Variants in ADGRB3 observed in about 807,000 individuals in gnomAD.
ADGRB3 encodes brain-specific angiogenesis inhibitor 3.
In ADGRB3, 37 loss-of-function variants were observed where a neutral mutation model predicts 193.4. That is an observed-to-expected ratio of 0.19 (90% CI 0.15 to 0.25). The LOEUF is 0.25. Ranked by LOEUF, ADGRB3 falls within the 10% of genes least tolerant of loss-of-function variation. The probability of loss-of-function intolerance (pLI) is 1.00; values close to 1 mark genes in which losing one functional copy is unlikely to be tolerated. For synonymous variants in ADGRB3, 690 were observed against 644.2 expected (o/e 1.07, Z -1.08); for missense variants, 1,637 against 1,852.9 (o/e 0.88, Z 2.14).
intron 3 of ADGRB3, among the ~76,000 whole-genome samples, chr6:68,922,006 A>C (rs551138864): frequency 2.0e-4 from 30 of 152,324 alleles, no homozygotes; most frequent in African/African-American, 7.0e-4. Flanking sequence ...TACTCTATGA[A>C]TGAAAAACTA....
chr6:69,226,029 TCTCA>T (rs1242824014), intron 17 of ADGRB3, among the ~76,000 whole-genome samples: 1 of 152,172 alleles, frequency 6.6e-6, no homozygotes, highest in Non-Finnish European at 1.5e-5. Context: ...TCCTTTCTAC[TCTCA>T]CTATTTCCAA....
chr6:69,183,681 A>G (rs1368873558), intron 17 of ADGRB3, among the ~76,000 whole-genome samples: 1 of 152,142 alleles, frequency 6.6e-6, no homozygotes, highest in Non-Finnish European at 1.5e-5. Context: ...AAATAAAAGT[A>G]AATCCATATG....
intron 17 of ADGRB3, among the ~76,000 whole-genome samples, chr6:69,123,009 T>TGTAC (rs1255328432): frequency 1.3e-5 from 2 of 151,600 alleles, no homozygotes; most frequent in East Asian, 3.9e-4. Flanking sequence ...AGTGTGTGTG[T>TGTAC]GTGTGTGTGT....
At chr6:68,730,966 A>G (rs937958541) in intron 3 of ADGRB3, among the ~76,000 whole-genome samples, 16 of 151,718 alleles carry the variant, frequency 1.1e-4, no homozygotes, top group African/African-American at 3.4e-4. Context: ...ATGGAGGAAA[A>G]GAACTTAATT....
chr6:69,294,654 T>A (rs984956440), intron 20 of ADGRB3, among the ~76,000 whole-genome samples: 9 of 152,174 alleles, frequency 5.9e-5, no homozygotes, highest in Non-Finnish European at 2.9e-5. Flanking sequence ...ACTTATATAA[T>A]GAAGATAAAA....
At chr6:68,883,642 A>G (rs763912580) in intron 3 of ADGRB3, among the ~76,000 whole-genome samples, 51 of 152,128 alleles carry the variant, frequency 3.4e-4, no homozygotes, top group East Asian at 9.7e-4. Flanking sequence ...TAAAAGCTGT[A>G]ACACTCACCG....
chr6:68,932,739 T>C (rs1006779512), intron 4 of ADGRB3, among the ~76,000 whole-genome samples: 2 of 151,360 alleles, frequency 1.3e-5, no homozygotes, highest in Non-Finnish European at 1.5e-5. Flanking sequence ...CTGTAACATA[T>C]AAATAATATA....
At chr6:69,314,809 A>C (rs2127301954) in intron 20 of ADGRB3, among the ~76,000 whole-genome samples, 1 of 151,658 alleles carries the variant, frequency 6.6e-6, no homozygotes, top group East Asian at 1.9e-4. Flanking sequence ...TAATAACAAA[A>C]GGCTTCTGAT....
intron 3 of ADGRB3, among the ~76,000 whole-genome samples, chr6:68,643,507 T>A (rs2127276721): frequency 7.5e-6 from 1 of 132,860 alleles, no homozygotes; most frequent in South Asian, 2.6e-4. Context: ...TGCAGAACGA[T>A]TTACTGAATC....
intron 17 of ADGRB3, among the ~76,000 whole-genome samples, chr6:69,230,594 T>C (rs1164852865): frequency 6.6e-6 from 1 of 152,238 alleles, no homozygotes; most frequent in Non-Finnish European, 1.5e-5. Context: ...ATAATAGTTA[T>C]ATGTATGCTA....
intron 3 of ADGRB3, among the ~76,000 whole-genome samples, chr6:68,752,505 T>C (rs957041866): frequency 6.6e-6 from 1 of 152,110 alleles, no homozygotes; most frequent in African/African-American, 2.4e-5. Flanking sequence ...TCTCCTGAAC[T>C]CAGGTGATCC....
At position 69,031,032 on chromosome 6, in the gene ADGRB3, C is replaced by CTT. The variant is rs1562128785; in HGVS notation, c.2107+12534_2107+12535insTT. ...TTTCTTTTCTTTTTTTTTTCCTCTT[C>CTT]TCTTCTCTCTTCTCTTCTCTTCTCT... On this transcript the variant is annotated intron_variant, in intron 13 of 31. Coordinates refer to ENST00000370598, the MANE Select transcript of ADGRB3 (RefSeq NM_001704.3). Among the ~76,000 whole-genome samples the CTT allele has an allele frequency of 7.0e-3, 268 of 38,156 alleles. 38 individuals are homozygous for CTT. Among genetic ancestry groups the CTT allele is most frequent in the Non-Finnish European group, 0.01 (189 of 18,714 alleles). 25.0% of individuals were successfully genotyped at this position (38,156 alleles called of 152,430 possible).
chr6:68,661,017 T>C (rs954187615), intron 3 of ADGRB3, among the ~76,000 whole-genome samples: 3 of 150,590 alleles, frequency 2.0e-5, no homozygotes, highest in Admixed American at 6.7e-5. Context: ...TACTAACATA[T>C]ATAAAGCATC....
At chr6:69,136,020 T>C (rs1002970712) in intron 17 of ADGRB3, among the ~76,000 whole-genome samples, 1 of 152,054 alleles carries the variant, frequency 6.6e-6, no homozygotes, top group Non-Finnish European at 1.5e-5. Context: ...ACTTGTGATA[T>C]CTCTTTCCTA....
At chr6:69,228,660 G>T (rs934607534) in intron 17 of ADGRB3, among the ~76,000 whole-genome samples, 3 of 152,152 alleles carry the variant, frequency 2.0e-5, no homozygotes, top group African/African-American at 4.8e-5. Flanking sequence ...CCAAGTGAAT[G>T]AAGTGCATAT....
intron 10 of ADGRB3, among the ~76,000 whole-genome samples, chr6:68,977,370 G>A (rs1332893102): frequency 6.6e-5 from 10 of 151,726 alleles, no homozygotes; most frequent in African/African-American, 1.9e-4. Context: ...TTGTTCAGTC[G>A]TGGTGATGAA....
intron 20 of ADGRB3, among the ~76,000 whole-genome samples, chr6:69,304,703 A>T (rs146325468): frequency 6.6e-6 from 1 of 151,610 alleles, no homozygotes; most frequent in Non-Finnish European, 1.5e-5. Context: ...GATAGATTAT[A>T]TTCTTGACTC....
intron 3 of ADGRB3, among the ~76,000 whole-genome samples, chr6:68,780,308 A>G (rs1399561300): frequency 6.6e-6 from 1 of 152,100 alleles, no homozygotes; most frequent in African/African-American, 2.4e-5. Context: ...TGGTTAATTC[A>G]TAGATACGTT....
chr6:69,020,285 C>T (rs1395139811), intron 13 of ADGRB3, among the ~76,000 whole-genome samples: 2 of 152,068 alleles, frequency 1.3e-5, no homozygotes, highest in Admixed American at 6.6e-5. Flanking sequence ...CAAAGCCAAT[C>T]TCAGAGTCTA....
Sources: allele counts gnomAD v4.1 joint callset (sites outside exome capture counted in the v4.1 genomes callset), GRCh38; gene constraint gnomAD v4.1.1; transcripts MANE v1.5; gene names NCBI Gene and HGNC (gene_info 2026-07-23, HGNC 2026-07-21).